Variants in C1orf167 observed in about 807,000 individuals in gnomAD.
C1orf167 encodes the protein uncharacterized protein C1orf167.
A neutral mutation model predicts 176.5 loss-of-function variants in C1orf167; 153 were observed. That is an observed-to-expected ratio of 0.87 (90% CI 0.76 to 0.99). The LOEUF is 0.99. Ranked by LOEUF, C1orf167 falls within the 50% of genes least tolerant of loss-of-function variation. The pLI, the probability that C1orf167 is intolerant of heterozygous loss-of-function variation, is 0.00. For synonymous variants in C1orf167, 594 were observed against 752.7 expected (o/e 0.79, Z 3.45); for missense variants, 1,490 against 1,817.7 (o/e 0.82, Z 3.28).
In C1orf167 at chr1:11,766,004, C is replaced by G; in HGVS notation, c.218C>G (p.Thr73Ser). 1 of 1,289,496 alleles carries G rather than the reference C, an allele frequency of 7.8e-7. No homozygotes were observed. Among genetic ancestry groups the G allele is most frequent in the African/African-American group, 1.5e-5 (1 of 65,996 alleles). The allele number at this position is 1,289,496 out of a possible 1,614,324, so 79.9% of individuals were successfully genotyped here. Residue 73 changes from threonine (T) to serine (S), a missense_variant, in exon 3 of 21, where the codon ACC (threonine) becomes AGC (serine). By Grantham distance (58) the Thr-to-Ser change is moderately conservative. Coordinates refer to ENST00000688073, the MANE Select transcript of C1orf167 (RefSeq NM_001010881.2). This position sits in a 1 kb window ranked among gnomAD's most constrained non-coding sequence, Gnocchi z 4.5. ...GACCAGGAGCCCTGCCGAGTCCAGA[C>G]CAACCTGGCCAGCCCTGGTCCCCGC... ...VLDQEPCRVQ[T>S]NLASPGPRLG...
rs2100356913 is a variant in C1orf167, at chr1:11,778,959, C to T, written c.2530C>T (p.Gln844Ter). 7.7e-7 allele frequency: 1 copy of T among 1,303,958 alleles called. No individual in the cohort carries two copies. The highest frequency in any genetic ancestry group is 1.2e-5 in the South Asian group (1 of 80,998). The allele number at this position is 1,303,958 out of a possible 1,614,324, so 80.8% of individuals were successfully genotyped here. A position where few individuals can be genotyped will look rare whatever the true frequency, so the allele number is the denominator to read the frequency against. ...PRAPTLPDTL[Q>*]GSLLWAAGQR... ...GGCCCCCACCCTCCCGGACACTCTC[C>T]AGGGGAGCCTTCTGTGGGCAGCTGG... Residue 844 changes from glutamine to a stop codon, truncating the protein, a stop_gained, in exon 12 of 21, where the codon CAG (glutamine) becomes TAG (stop). Transcript: ENST00000688073. LOFTEE classifies it high-confidence loss of function.
In C1orf167 at chr1:11,789,339, C is replaced by A. The variant is rs1165906434; in HGVS notation, c.4243C>A (p.Pro1415Thr). 3 of 1,303,990 alleles carry A rather than the reference C, an allele frequency of 2.3e-6. No individual in the cohort carries two copies. In the African/African-American group the frequency reaches 4.6e-5, roughly 20 times the overall value. 80.8% of individuals were successfully genotyped at this position (1,303,990 alleles called of 1,614,324 possible). ...GAGAGGAGCTGCCAGTAGCCCAAGA[C>A]CCTGGAGCAAGCCAGGCCCCAAGGG... ...PRRGAASSPR[P>T]WSKPGPKGPE... The change falls in exon 21 of 21, where the codon CCC (proline) becomes ACC (threonine). Residue 1415 changes from proline (P) to threonine (T), a missense_variant. By Grantham distance (38) the Pro-to-Thr change is conservative. Coordinates refer to ENST00000688073, the MANE Select transcript of C1orf167 (RefSeq NM_001010881.2).
intron 16 of C1orf167, chr1:11,786,819 G>T (rs961563543): frequency 3.3e-5 from 5 of 152,238 alleles, no homozygotes; most frequent in Admixed American, 3.3e-4. Flanking sequence ...ATGGGGCTAT[G>T]GCAACAGCAG....
At position 11,789,255 on chromosome 1, in the gene C1orf167, C is replaced by T. The variant is rs1644006725; in HGVS notation, c.4174-15C>T. ...AGCCCACAACAATAGCATTTCCTCT[C>T]CTCCCTGGTTCCAGGCCTTTAAGAA... On this transcript the variant is annotated splice_polypyrimidine_tract_variant and intron_variant, in intron 20 of 20. Transcript: ENST00000688073. 2.3e-6 allele frequency: 3 copies of T among 1,303,034 alleles called. No homozygotes were observed. Among genetic ancestry groups the T allele is most frequent in the Non-Finnish European group, 3.0e-6 (3 of 988,618 alleles). 80.7% of individuals were successfully genotyped at this position (1,303,034 alleles called of 1,614,324 possible). A position where few individuals can be genotyped will look rare whatever the true frequency, so the allele number is the denominator to read the frequency against.
At chr1:11,779,623 C>T (rs905917344) in intron 12 of C1orf167, 179 bp from the exon 13 acceptor site, 2 of 376,352 alleles carry the variant, frequency 5.3e-6, no homozygotes, top group Admixed American at 3.8e-5. Flanking sequence ...ATCATCGTGA[C>T]CCTGGGAGAG....
intron 7 of C1orf167, 146 bp from the exon 8 acceptor site, chr1:11,771,936 A>C: frequency 1.8e-6 from 1 of 543,460 alleles, no homozygotes; most frequent in Non-Finnish European, 2.9e-6. Context: ...CCCACACCAG[A>C]GGCTGGAGTA....
rs1316403719 is a variant in C1orf167 at position 11,776,531 on chromosome 1, G to A, written c.2232G>A (p.Gly744=). 1 of 1,294,778 alleles carries A rather than the reference G, an allele frequency of 7.7e-7. No homozygotes were observed. The highest frequency in any genetic ancestry group is 1.5e-5 in the African/African-American group (1 of 65,244). 80.2% of individuals were successfully genotyped at this position (1,294,778 alleles called of 1,614,324 possible). A position where few individuals can be genotyped will look rare whatever the true frequency, so the allele number is the denominator to read the frequency against. The part of the protein sequence containing the change: ...CGLGAVGQAQ[G]QQEQGRGSLQ... ...TGGGTGCAGTGGGCCAGGCCCAGGG[G>A]CAGCAGGAGCAAGGCCGGGGCTCCC... The change falls in exon 10 of 21, where the codon GGG becomes GGA. Residue 744 remains glycine, a synonymous_variant. Coordinates refer to ENST00000688073, the MANE Select transcript of C1orf167 (RefSeq NM_001010881.2).
At chr1:11,776,192 G>A (rs1220189955) in intron 9 of C1orf167, among the ~76,000 whole-genome samples, 1 of 152,270 alleles carries the variant, frequency 6.6e-6, no homozygotes, top group Non-Finnish European at 1.5e-5. Context: ...AGGAGGCTGA[G>A]GTTGCAGTGA....
In C1orf167 at chr1:11,784,210, G is replaced by C; in HGVS notation, c.3042G>C (p.Thr1014=). The C allele has an allele frequency of 7.9e-7, 1 of 1,269,520 alleles. No individual in the cohort carries two copies. Among genetic ancestry groups the C allele is most frequent in the Non-Finnish European group, 1.0e-6 (1 of 970,532 alleles). 78.6% of individuals were successfully genotyped at this position (1,269,520 alleles called of 1,614,324 possible). A position where few individuals can be genotyped will look rare whatever the true frequency, so the allele number is the denominator to read the frequency against. The change falls in exon 15 of 21, where the codon ACG becomes ACC. Residue 1014 remains threonine, a synonymous_variant. Coordinates refer to ENST00000688073, the MANE Select transcript of C1orf167 (RefSeq NM_001010881.2). ...CCTGGTGTGAGGTTGTAAGAGACAC[G>C]GGGGTGCTCCGGGCCCAGCATCAAG... ...FQAWCEVVRD[T]GVLRAQHQAF...
At chr1:11,777,916 TCTG>T (rs1374799901) in intron 10 of C1orf167, 1 of 152,180 alleles carries the variant, frequency 6.6e-6, no homozygotes, top group Non-Finnish European at 1.5e-5. Context: ...GAGTCCCAGG[TCTG>T]CTGCTATTTG....
In C1orf167 at chr1:11,768,173, G is replaced by T; in HGVS notation, c.1440G>T (p.Gln480His). 7.8e-7 allele frequency: 1 copy of T among 1,287,982 alleles called. No individual in the cohort carries two copies. Among genetic ancestry groups the T allele is most frequent in the Non-Finnish European group, 1.0e-6 (1 of 987,264 alleles). 79.8% of individuals were successfully genotyped at this position (1,287,982 alleles called of 1,614,324 possible). The part of the protein sequence containing the change: ...AAAAVALGRW[Q>H]LLRKCLQALW... Reference sequence around the variant, plus strand: ...CGGCAGTGGCACTGGGCCGCTGGCAGCTGTTGCGAAAGTGCCTTCAGGCCT... The same window carrying T: ...CGGCAGTGGCACTGGGCCGCTGGCATCTGTTGCGAAAGTGCCTTCAGGCCT... Residue 480 changes from glutamine (Q) to histidine (H), a missense_variant, in exon 5 of 21, where the codon CAG (glutamine) becomes CAT (histidine). Coordinates refer to ENST00000688073, the MANE Select transcript of C1orf167 (RefSeq NM_001010881.2). This position sits in a 1 kb window ranked among gnomAD's most constrained non-coding sequence, Gnocchi z 4.5.
intron 6 of C1orf167, among the ~76,000 whole-genome samples, chr1:11,769,894 G>T (rs535032208): frequency 6.6e-6 from 1 of 151,994 alleles, no homozygotes; most frequent in African/African-American, 2.4e-5. Context: ...GACCTCAAGT[G>T]ATCCACCTGC....
chr1:11,789,473 A>C lies in C1orf167; in HGVS notation c.*27A>C. ...TTGTTCTCATAGAATAAAAAACAGA[A>C]CTGAACTTAGCCTTCCCAGGGAAGG... On this transcript the variant is annotated 3_prime_UTR_variant, in exon 21 of 21. Transcript: ENST00000688073. 3 of 1,300,248 alleles carry C rather than the reference A, an allele frequency of 2.3e-6. No individual in the cohort carries two copies. The highest frequency in any genetic ancestry group is 3.0e-6 in the Non-Finnish European group (3 of 986,810). The allele number at this position is 1,300,248 out of a possible 1,614,324, so 80.5% of individuals were successfully genotyped here. A position where few individuals can be genotyped will look rare whatever the true frequency, so the allele number is the denominator to read the frequency against.
chr1:11,771,343 C>A (rs1643066031), intron 6 of C1orf167, among the ~76,000 whole-genome samples, 181 bp from the exon 7 acceptor site: 1 of 151,746 alleles, frequency 6.6e-6, no homozygotes, highest in Non-Finnish European at 1.5e-5. Flanking sequence ...AGAGCAGAAC[C>A]TCCCCCCAGC....
intron 16 of C1orf167, 101 bp downstream of exon 16, chr1:11,785,390 G>A (rs1643813156): frequency 1.8e-6 from 2 of 1,141,062 alleles, no homozygotes; most frequent in Non-Finnish European, 2.2e-6. Flanking sequence ...CAGGTGAAGG[G>A]AGCCTAGGCA....
chr1:11,766,731 C>A lies in C1orf167; in HGVS notation c.945C>A (p.Leu315=). 1 of 1,289,790 alleles carries A rather than the reference C, an allele frequency of 7.8e-7. No individual in the cohort carries two copies. Among genetic ancestry groups the A allele is most frequent in the Non-Finnish European group, 1.0e-6 (1 of 988,876 alleles). The allele number at this position is 1,289,790 out of a possible 1,614,324, so 79.9% of individuals were successfully genotyped here. ...TAAFLETPAS[L]SDSWAQSKLM... Reference sequence around the variant, plus strand: ...CTTTCTTGGAGACCCCGGCTAGTCTCTCAGACTCTTGGGCACAAAGCAAGC... The same window carrying A: ...CTTTCTTGGAGACCCCGGCTAGTCTATCAGACTCTTGGGCACAAAGCAAGC... Residue 315 remains leucine (L), a synonymous_variant, in exon 3 of 21, where the codon CTC becomes CTA. Transcript: ENST00000688073. This position sits in a 1 kb window ranked among gnomAD's most constrained non-coding sequence, Gnocchi z 4.5.
In C1orf167 at chr1:11,788,394, C is replaced by T. The variant is rs1046648365; in HGVS notation, c.4078+16C>T. ...GCGGACCCTGGTGAGTGGGTGCACC[C>T]CTCTCCACACTGACCATCTCCCATT... On this transcript the variant is annotated intron_variant, in intron 19 of 20. Transcript: ENST00000688073. 2 of 1,280,586 alleles carry T rather than the reference C, an allele frequency of 1.6e-6. No homozygotes were observed. The highest frequency in any genetic ancestry group is 1.5e-5 in the African/African-American group (1 of 65,462). 79.3% of individuals were successfully genotyped at this position (1,280,586 alleles called of 1,614,324 possible).
rs1178126171 is a variant in C1orf167 at position 11,782,353 on chromosome 1, G to A, written c.3005+20G>A. On this transcript the variant is annotated intron_variant, in intron 14 of 20. Transcript: ENST00000688073. Reference sequence around the variant, plus strand: ...GCAGAGGTGGGTGGGCCTGGGGGTGGGAGGGTGTTGGTCCTCCCCACGCAA... The same window carrying A: ...GCAGAGGTGGGTGGGCCTGGGGGTGAGAGGGTGTTGGTCCTCCCCACGCAA... 18 of 1,223,188 alleles carry A rather than the reference G, an allele frequency of 1.5e-5. No individual in the cohort carries two copies. In the Middle Eastern group the frequency reaches 1.4e-3, roughly 97 times the overall value. 75.8% of individuals were successfully genotyped at this position (1,223,188 alleles called of 1,614,324 possible). A position where few individuals can be genotyped will look rare whatever the true frequency, so the allele number is the denominator to read the frequency against.
Position 11,766,830 on chromosome 1 carries a change from C to G in C1orf167, c.1044C>G (p.Ala348=). ...ATCCTGAGCAGGGGCTCCCTCCTGC[C>G]CACCCCCTAGGGTCAGGGGACAGCT... ...SLNPEQGLPP[A]HPLGSGDSCS... is the part of the protein sequence containing the mutation. The change falls in exon 3 of 21, where the codon GCC becomes GCG. Residue 348 remains alanine, a synonymous_variant. Coordinates refer to ENST00000688073, the MANE Select transcript of C1orf167 (RefSeq NM_001010881.2). This position sits in a 1 kb window ranked among gnomAD's most constrained non-coding sequence, Gnocchi z 4.5. 2.3e-6 allele frequency: 3 copies of G among 1,288,714 alleles called. No individual in the cohort carries two copies. The highest frequency in any genetic ancestry group is 3.0e-6 in the Non-Finnish European group (3 of 988,196). 79.8% of individuals were successfully genotyped at this position (1,288,714 alleles called of 1,614,324 possible).
Sources: allele counts gnomAD v4.1 joint callset (sites outside exome capture counted in the v4.1 genomes callset), GRCh38; gene constraint gnomAD v4.1.1; non-coding constraint Gnocchi (gnomAD v3.1); transcripts MANE v1.5; gene names NCBI Gene and HGNC (gene_info 2026-07-23, HGNC 2026-07-21).